Variants in NCS1 observed in about 807,000 individuals in gnomAD.
NCS1 encodes the protein neuronal calcium sensor 1.
In NCS1, 6 loss-of-function variants were observed where a neutral mutation model predicts 28.4. The ratio of observed to expected loss-of-function variants is 0.21; its 90% confidence interval spans 0.12 to 0.42. NCS1 has a LOEUF of 0.42. NCS1 is among the 10% of genes least tolerant of loss of function. The probability of loss-of-function intolerance (pLI) is 1.00; values close to 1 mark genes in which losing one functional copy is unlikely to be tolerated. For synonymous variants in NCS1, 86 were observed against 99.3 expected, an observed-to-expected ratio of 0.87 and a Z score of 0.79; for missense variants, 131 against 241.4, an observed-to-expected ratio of 0.54 and a Z score of 3.03.
chr9:130,216,910 G>T (rs1454993678), intron 2 of NCS1, among the ~76,000 whole-genome samples: 1 of 151,932 alleles, frequency 6.6e-6, no homozygotes, highest in South Asian at 2.1e-4. Context: ...TGTCCTCCTG[G>T]GGGTGGGGCG....
chr9:130,232,212 G>A lies in NCS1; in HGVS notation c.*18-778G>A, dbSNP rs1432301508. 1.3e-5 allele frequency among the ~76,000 whole-genome samples: 2 copies of A among 152,182 alleles called. No homozygotes were observed. The highest frequency in any genetic ancestry group is 4.8e-5 in the African/African-American group (2 of 41,444). ...TCCTCCTGCCTTGGCCTCCCAAAGTGCTAGATTTACAGGTTTGACCCACCA... is the reference window on the plus strand; with the variant it reads ...TCCTCCTGCCTTGGCCTCCCAAAGTACTAGATTTACAGGTTTGACCCACCA... On this transcript the variant is annotated intron_variant, in intron 7 of 7. Coordinates refer to ENST00000372398, the MANE Select transcript of NCS1 (RefSeq NM_014286.4). The surrounding 1 kb of genome is among the most constrained non-coding windows in gnomAD (Gnocchi z 4.4).
intron 7 of NCS1, among the ~76,000 whole-genome samples, chr9:130,227,037 AAAG>A (rs1833425996): frequency 6.6e-6 from 1 of 151,068 alleles, no homozygotes; most frequent in South Asian, 2.1e-4. Flanking sequence ...AAAAAAAAAA[AAAG>A]AAAAGAAAAA....
chr9:130,219,572 G>T lies in NCS1; in HGVS notation c.229-153G>T, dbSNP rs551870839. ...GCTCCCCACCCTCTCCTTGCCTCTC[G>T]CCCCCCATTCCTTCGAGCCTGCCCT... On this transcript the variant is annotated intron_variant, in intron 3 of 7. Coordinates refer to ENST00000372398, the MANE Select transcript of NCS1 (RefSeq NM_014286.4). This position sits in a 1 kb window ranked among gnomAD's most constrained non-coding sequence, Gnocchi z 5.7. Among the ~76,000 whole-genome samples, 130 of 123,228 alleles carry T rather than the reference G, an allele frequency of 1.1e-3. 1 individual carries two copies. The highest frequency in any genetic ancestry group is 3.4e-3 in the Admixed American group (38 of 11,216). The allele number at this position is 123,228 out of a possible 152,430, so 80.8% of individuals were successfully genotyped here. A position where few individuals can be genotyped will look rare whatever the true frequency, so the allele number is the denominator to read the frequency against.
At position 130,177,853 on chromosome 9, in the gene NCS1, G is replaced by C. The variant is rs934774134; in HGVS notation, c.64+5126G>C. On this transcript the variant is annotated intron_variant, in intron 1 of 7. Coordinates refer to ENST00000372398, the MANE Select transcript of NCS1 (RefSeq NM_014286.4). The surrounding 1 kb of genome is among the most constrained non-coding windows in gnomAD (Gnocchi z 4.4). ...AGGAGAGTCCCTGGGAGGGAAGGAG[G>C]GCTCAGGGGCGAGTTCTGCGGTTCT... 6.6e-6 allele frequency among the ~76,000 whole-genome samples: 1 copy of C among 152,172 alleles called. No homozygotes were observed. The highest frequency in any genetic ancestry group is 2.4e-5 in the African/African-American group (1 of 41,434).
rs550558339 is a variant in NCS1 at position 130,176,514 on chromosome 9, A to C, written c.64+3787A>C. On this transcript the variant is annotated intron_variant, in intron 1 of 7. Transcript: ENST00000372398. ...CCCGGCCTTAATATATATCATTTTGACCATACAATACAGCTTCATCTTGAA... is the reference window on the plus strand; with the variant it reads ...CCCGGCCTTAATATATATCATTTTGCCCATACAATACAGCTTCATCTTGAA... 2.0e-5 allele frequency among the ~76,000 whole-genome samples: 3 copies of C among 152,174 alleles called. No individual in the cohort carries two copies. In the South Asian group the frequency reaches 6.2e-4, roughly 32 times the overall value.
chr9:130,225,950 C>T (rs534023613), intron 6 of NCS1, among the ~76,000 whole-genome samples: 4 of 152,184 alleles, frequency 2.6e-5, no homozygotes, highest in Admixed American at 6.5e-5. Flanking sequence ...CCGGGTCTCC[C>T]AGGGTCCAGT....
intron 1 of NCS1, among the ~76,000 whole-genome samples, chr9:130,197,808 CA>C (rs1257356815): frequency 1.3e-5 from 2 of 152,036 alleles, no homozygotes; most frequent in Non-Finnish European, 2.9e-5. Context: ...CCTAAAAATA[CA>C]AAAATTAGCT....
At position 130,209,299 on chromosome 9, in the gene NCS1, A is replaced by G. The variant is rs1455707624; in HGVS notation, c.89+8317A>G. Among the ~76,000 whole-genome samples, 7 of 152,144 alleles carry G rather than the reference A, an allele frequency of 4.6e-5. No individual in the cohort carries two copies. Among genetic ancestry groups the G allele is most frequent in the African/African-American group, 1.4e-4 (6 of 41,432 alleles). ...AATGCAGGGCTGGCCTCCCAGCAGG[A>G]TCCCAGAGGACATGAGTCTGCAGGA... On this transcript the variant is annotated intron_variant, in intron 2 of 7. Transcript: ENST00000372398. This position sits in a 1 kb window ranked among gnomAD's most constrained non-coding sequence, Gnocchi z 4.4.
rs1217831793 is a variant in NCS1, at chr9:130,209,856, C to A, written c.90-7976C>A. ...ACACAGTCAACCATATCAGAAACCT[C>A]GGCTTCCCGTGGCTGGGGATCGCAG... On this transcript the variant is annotated intron_variant, in intron 2 of 7. Coordinates refer to ENST00000372398, the MANE Select transcript of NCS1 (RefSeq NM_014286.4). This position sits in a 1 kb window ranked among gnomAD's most constrained non-coding sequence, Gnocchi z 4.4. Among the ~76,000 whole-genome samples the A allele has an allele frequency of 6.6e-6, 1 of 152,136 alleles. No homozygotes were observed. Among genetic ancestry groups the A allele is most frequent in the Non-Finnish European group, 1.5e-5 (1 of 68,026 alleles).
At chr9:130,179,431 T>C (rs913712259) in intron 1 of NCS1, among the ~76,000 whole-genome samples, 2 of 152,230 alleles carry the variant, frequency 1.3e-5, no homozygotes, top group Admixed American at 1.3e-4. Flanking sequence ...TCCTCCCATA[T>C]TGAAAATACT....
intron 4 of NCS1, among the ~76,000 whole-genome samples, chr9:130,221,092 C>T (rs986269666): frequency 9.9e-5 from 15 of 152,000 alleles, no homozygotes; most frequent in Non-Finnish European, 1.9e-4. Context: ...GGCACAATCT[C>T]GGCCCACTAC....
chr9:130,229,280 T>C (rs80071451), intron 7 of NCS1, among the ~76,000 whole-genome samples: 3 of 146,160 alleles, frequency 2.1e-5, no homozygotes, highest in African/African-American at 5.0e-5. Flanking sequence ...TTTTTTTTTT[T>C]CCAAGATGGA....
chr9:130,173,062 G>A lies in NCS1; in HGVS notation c.64+335G>A, dbSNP rs181582873. Among the ~76,000 whole-genome samples, 1,022 of 152,168 alleles carry A rather than the reference G, an allele frequency of 6.7e-3. 8 individuals are homozygous for A. Among genetic ancestry groups the A allele is most frequent in the Non-Finnish European group, 0.011 (733 of 67,978 alleles). ...CAGGGGCTGTTGCCAGGGTGGGGCG[G>A]TGGTCCCGGGAGGGGGCGCCCGGCT... On this transcript the variant is annotated intron_variant, in intron 1 of 7. Transcript: ENST00000372398.
chr9:130,183,251 C>T (rs1832689036), intron 1 of NCS1, among the ~76,000 whole-genome samples: 1 of 152,160 alleles, frequency 6.6e-6, no homozygotes, highest in South Asian at 2.1e-4. Flanking sequence ...CTGTTCCACT[C>T]TCTGTGAGAT....
intron 7 of NCS1, among the ~76,000 whole-genome samples, chr9:130,228,188 T>G (rs1833444927): frequency 6.6e-6 from 1 of 151,504 alleles, no homozygotes; most frequent in Non-Finnish European, 1.5e-5. Flanking sequence ...TTCTTTTTCT[T>G]TCTTTTTTTT....
At position 130,181,341 on chromosome 9, in the gene NCS1, G is replaced by T. The variant is rs1216864781; in HGVS notation, c.64+8614G>T. Among the ~76,000 whole-genome samples, 1 of 152,158 alleles carries T rather than the reference G, an allele frequency of 6.6e-6. No homozygotes were observed. The highest frequency in any genetic ancestry group is 2.4e-5 in the African/African-American group (1 of 41,440). Reference sequence around the variant, plus strand: ...ACGTTGAACTTGGCGGCTCATCTCGGCCCTCCTTTTGCTCCTGGTGGTGGT... The same window carrying T: ...ACGTTGAACTTGGCGGCTCATCTCGTCCCTCCTTTTGCTCCTGGTGGTGGT... On this transcript the variant is annotated intron_variant, in intron 1 of 7. Coordinates refer to ENST00000372398, the MANE Select transcript of NCS1 (RefSeq NM_014286.4). The surrounding 1 kb of genome is among the most constrained non-coding windows in gnomAD (Gnocchi z 5.0).
chr9:130,200,215 G>A (rs1339451433), intron 1 of NCS1, among the ~76,000 whole-genome samples: 1 of 152,150 alleles, frequency 6.6e-6, no homozygotes, highest in Non-Finnish European at 1.5e-5. Context: ...CCTTGGTGGT[G>A]GTTTGGTGTT....
chr9:130,185,819 C>T (rs1286444363), intron 1 of NCS1, among the ~76,000 whole-genome samples: 15 of 152,286 alleles, frequency 9.8e-5, no homozygotes, highest in Admixed American at 9.8e-4. Flanking sequence ...CCTGCGCGCC[C>T]AGCAGCCCAC....
At chr9:130,194,465 T>C (rs1357236594) in intron 1 of NCS1, among the ~76,000 whole-genome samples, 1 of 150,420 alleles carries the variant, frequency 6.6e-6, no homozygotes, top group Non-Finnish European at 1.5e-5. Context: ...CCTCCCCTTC[T>C]GCAGCTCTGG....
Sources: allele counts gnomAD v4.1 joint callset (sites outside exome capture counted in the v4.1 genomes callset), GRCh38; gene constraint gnomAD v4.1.1; non-coding constraint Gnocchi (gnomAD v3.1); transcripts MANE v1.5; gene names NCBI Gene and HGNC (gene_info 2026-07-23, HGNC 2026-07-21).